Variants in TGFBR3 observed in about 807,000 individuals in gnomAD.
The protein encoded by TGFBR3 is transforming growth factor beta receptor type 3.
In TGFBR3, 46 loss-of-function variants were observed where a neutral mutation model predicts 87.9. The ratio of observed to expected loss-of-function variants is 0.52; its 90% CI spans 0.41 to 0.67. TGFBR3 has a LOEUF of 0.67. TGFBR3 is among the 30% of genes least tolerant of loss of function. The probability of loss-of-function intolerance (pLI) is 0.00; values close to 1 mark genes in which losing one functional copy is unlikely to be tolerated. For missense variants in TGFBR3, 866 were observed against 1,041.9 expected, an observed-to-expected ratio of 0.83 and a Z score of 2.32; for synonymous variants, 381 against 391.6, an observed-to-expected ratio of 0.97 and a Z score of 0.32.
Position 91,788,927 on chromosome 1 carries a change from C to T in TGFBR3, c.246+8360G>A, listed in dbSNP as rs545873973. Among the ~76,000 whole-genome samples, 6 of 152,314 alleles carry T rather than the reference C, an allele frequency of 3.9e-5. No homozygotes were observed. In the South Asian group the frequency reaches 8.3e-4, roughly 21 times the overall value. On this transcript the variant is annotated intron_variant, in intron 3 of 16. Coordinates refer to ENST00000212355, the MANE Select transcript of TGFBR3 (RefSeq NM_003243.5). ...GGCAGTTACCATGGCAACAGTAGTACAGGTCAGGGTTCTAACCCTAACCTC... is the reference window on the plus strand; with the variant it reads ...GGCAGTTACCATGGCAACAGTAGTATAGGTCAGGGTTCTAACCCTAACCTC...
At chr1:91,817,874 A>T (rs1161458796) in intron 2 of TGFBR3, among the ~76,000 whole-genome samples, 1 of 110,774 alleles carries the variant, frequency 9.0e-6, no homozygotes, top group Non-Finnish European at 1.9e-5. Flanking sequence ...GATGCTACTG[A>T]TAACAGAAAA....
rs1046761273 is a variant in TGFBR3, at chr1:91,729,932, G to C, written c.610C>G (p.Leu204Val). The C allele has an allele frequency of 1.2e-6, 2 of 1,614,058 alleles. No homozygotes were observed. The highest frequency in any genetic ancestry group is 1.7e-5 in the Admixed American group (1 of 60,010). Residue 204 changes from leucine (L) to valine (V), a missense_variant, in exon 6 of 17, where the codon CTC (leucine) becomes GTC (valine). Leu to Val is a conservative substitution (Grantham distance 32). Coordinates refer to ENST00000212355, the MANE Select transcript of TGFBR3 (RefSeq NM_003243.5). ...PPKCNIGKNFLSLNYLAEYLQ... is the reference protein window; with the variant it reads ...PPKCNIGKNFVSLNYLAEYLQ... ...TACTCAGCAAGGTAATTGAGTGAGA[G>C]AAAATTCTTCCCTATGTTGCACTTT...
intron 4 of TGFBR3, among the ~76,000 whole-genome samples, chr1:91,748,718 G>A (rs1359082040): frequency 9.5e-6 from 1 of 105,802 alleles, no homozygotes; most frequent in East Asian, 2.8e-4. Context: ...TACCATTCTG[G>A]AAAGTATTAT....
intron 4 of TGFBR3, among the ~76,000 whole-genome samples, chr1:91,739,850 G>A (rs1673097142): frequency 6.6e-6 from 1 of 152,166 alleles, no homozygotes; most frequent in Non-Finnish European, 1.5e-5. Flanking sequence ...GGTGGAAGGT[G>A]AAGAGGAAGC....
At chr1:91,816,150 G>A (rs1395620314) in intron 2 of TGFBR3, among the ~76,000 whole-genome samples, 1 of 152,090 alleles carries the variant, frequency 6.6e-6, no homozygotes, top group African/African-American at 2.4e-5. Flanking sequence ...CATGGAGAAA[G>A]CAACAGAAGG....
Position 91,822,209 on chromosome 1 carries a change from C to T in TGFBR3, c.62-24738G>A, listed in dbSNP as rs575456882. Among the ~76,000 whole-genome samples the T allele has an allele frequency of 2.7e-5, 4 of 149,602 alleles. No individual in the cohort carries two copies. In the East Asian group the frequency reaches 6.0e-4, roughly 22 times the overall value. On this transcript the variant is annotated intron_variant, in intron 2 of 16. Coordinates refer to ENST00000212355, the MANE Select transcript of TGFBR3 (RefSeq NM_003243.5). The stretch of plus-strand genomic sequence containing the variant: ...ATCTGGAGAGATGATAGACAAACCG[C>T]CACATTTATATTCTTCTACTGCCAA...
intron 14 of TGFBR3, among the ~76,000 whole-genome samples, chr1:91,699,880 G>A (rs1671562883): frequency 6.6e-6 from 1 of 152,238 alleles, no homozygotes; most frequent in Non-Finnish European, 1.5e-5. Context: ...ATCCTCAGCA[G>A]TGAGGCTGAG....
chr1:91,884,874 G>A (rs957756549), intron 1 of TGFBR3, among the ~76,000 whole-genome samples: 3 of 152,194 alleles, frequency 2.0e-5, no homozygotes, highest in Non-Finnish European at 4.4e-5. Flanking sequence ...CTCCCAAACC[G>A]CTCACTTCTT....
At chr1:91,786,418 G>T (rs762532904) in intron 3 of TGFBR3, among the ~76,000 whole-genome samples, 5 of 152,148 alleles carry the variant, frequency 3.3e-5, no homozygotes, top group Non-Finnish European at 7.3e-5. Context: ...CAGAGGAAAT[G>T]TCAATAAAAT....
intron 4 of TGFBR3, among the ~76,000 whole-genome samples, chr1:91,742,999 A>G (rs899056467): frequency 3.9e-5 from 6 of 152,178 alleles, no homozygotes; most frequent in Admixed American, 3.3e-4. Flanking sequence ...AAAAAAGCCA[A>G]AGAGGCAACC....
At position 91,706,583 on chromosome 1, in the gene TGFBR3, C is replaced by T. The variant is rs190087937; in HGVS notation, c.2287+2080G>A. ...TCTAGGACAGCTCATGAATTACCCACCCCTTGTTTAGCATATGATCAACAA... is the reference window on the plus strand; with the variant it reads ...TCTAGGACAGCTCATGAATTACCCATCCCTTGTTTAGCATATGATCAACAA... On this transcript the variant is annotated intron_variant, in intron 14 of 16. Transcript: ENST00000212355. Among the ~76,000 whole-genome samples, 4 of 152,332 alleles carry T rather than the reference C, an allele frequency of 2.6e-5. 1 individual carries two copies. The highest frequency in any genetic ancestry group is 4.1e-4 in the South Asian group (2 of 4,822).
At chr1:91,722,191 T>C in intron 7 of TGFBR3, 47 bp from the exon 8 acceptor site, 1 of 1,413,942 alleles carries the variant, frequency 7.1e-7, no homozygotes, top group Non-Finnish European at 9.9e-7. Flanking sequence ...AATTAAACAG[T>C]ACTTTAGATA....
chr1:91,781,755 T>C (rs932985247), intron 3 of TGFBR3, among the ~76,000 whole-genome samples: 3 of 152,176 alleles, frequency 2.0e-5, no homozygotes, highest in African/African-American at 7.2e-5. Flanking sequence ...CCATATCACT[T>C]TGCTGATCTC....
intron 2 of TGFBR3, among the ~76,000 whole-genome samples, chr1:91,849,318 C>T (rs368480562): frequency 3.3e-5 from 5 of 152,146 alleles, no homozygotes; most frequent in East Asian, 1.9e-4. Context: ...TATACACACC[C>T]GCACCGTCTC....
At chr1:91,697,455 T>C (rs914573674) in intron 15 of TGFBR3, among the ~76,000 whole-genome samples, 1 of 152,202 alleles carries the variant, frequency 6.6e-6, no homozygotes, top group African/African-American at 2.4e-5. Context: ...GAGCTCTGGG[T>C]GGACAGCTGG....
At position 91,689,772 on chromosome 1, in the gene TGFBR3, T is replaced by G. The variant is rs77502805; in HGVS notation, c.2437+5900A>C. Among the ~76,000 whole-genome samples the G allele has an allele frequency of 6.9e-3, 1,024 of 148,858 alleles. 15 individuals are homozygous for G. Among genetic ancestry groups the G allele is most frequent in the African/African-American group, 0.025 (991 of 40,386 alleles). On this transcript the variant is annotated intron_variant, in intron 16 of 16. Coordinates refer to ENST00000212355, the MANE Select transcript of TGFBR3 (RefSeq NM_003243.5). ...CATCAGTTCTCTGGGCTCAGTTTTC[T>G]CGCTACGTAAAAAGGAAATGCTGAT...
At position 91,871,161 on chromosome 1, in the gene TGFBR3, G is replaced by A. The variant is rs146521207; in HGVS notation, c.-113-9517C>T. Among the ~76,000 whole-genome samples the A allele has an allele frequency of 2.8e-4, 42 of 152,148 alleles. No homozygotes were observed. In the East Asian group the frequency reaches 7.7e-3, roughly 28 times the overall value. On this transcript the variant is annotated intron_variant, in intron 1 of 16. Transcript: ENST00000212355. ...ATGCTCTTAACTACTACAAACAAGAGATCCTCCAGAAACAGCTGACTTTCA... is the reference window on the plus strand; with the variant it reads ...ATGCTCTTAACTACTACAAACAAGAAATCCTCCAGAAACAGCTGACTTTCA...
chr1:91,715,056 G>A (rs914014390), intron 12 of TGFBR3, among the ~76,000 whole-genome samples: 4 of 152,164 alleles, frequency 2.6e-5, no homozygotes, highest in African/African-American at 9.7e-5. Flanking sequence ...GACCCTTTAA[G>A]CTTCTCACCC....
At chr1:91,831,136 T>C (rs896642647) in intron 2 of TGFBR3, among the ~76,000 whole-genome samples, 1 of 152,224 alleles carries the variant, frequency 6.6e-6, no homozygotes. Flanking sequence ...GCCTGGGTTG[T>C]TCATTTGTTA....
Sources: allele counts gnomAD v4.1 joint callset (sites outside exome capture counted in the v4.1 genomes callset), GRCh38; gene constraint gnomAD v4.1.1; transcripts MANE v1.5; gene names NCBI Gene and HGNC (gene_info 2026-07-23, HGNC 2026-07-21).